Variants in MARCHF10 observed in about 807,000 individuals in gnomAD.
MARCHF10 encodes membrane associated ring-CH-type finger 10.
In MARCHF10, 64 loss-of-function variants were observed where a neutral mutation model predicts 76.2. That is an observed-to-expected ratio of 0.84 (90% CI 0.69 to 1.03). The LOEUF is 1.03. Among genes scored for constraint, MARCHF10 ranks in the 50% least tolerant of loss-of-function variants. MARCHF10 has a pLI of 0.00. For missense variants in MARCHF10, 875 were observed against 958.0 expected (o/e 0.91, Z 1.14); for synonymous variants, 340 against 357.5 (o/e 0.95, Z 0.55).
intron 10 of MARCHF10, chr17:62,703,281 G>A (rs2089358547): frequency 6.6e-6 from 1 of 152,398 alleles, no homozygotes; most frequent in Non-Finnish European, 1.5e-5. Flanking sequence ...CCTCAACCGA[G>A]CTAGGGCAGC....
rs369326655 is a variant in MARCHF10 at position 62,757,954 on chromosome 17, T to C, written c.382+1881A>G. ...GAGTTTGCTCAGTCTGAAGTACATC[T>C]GTATTAATTAGACAAACTAAAGCAT... On this transcript the variant is annotated intron_variant, in intron 4 of 10. Transcript: ENST00000311269. 1.5e-4 allele frequency among the ~76,000 whole-genome samples: 23 copies of C among 152,350 alleles called. No homozygotes were observed. In the South Asian group the frequency reaches 4.3e-3, roughly 29 times the overall value.
At chr17:62,702,737 G>A (rs1327250536) in intron 10 of MARCHF10, among the ~76,000 whole-genome samples, 1 of 152,224 alleles carries the variant, frequency 6.6e-6, no homozygotes. Flanking sequence ...ACTGTTGCAC[G>A]GAGCAGGAGC....
At chr17:62,704,009 C>A (rs1459939856) in intron 10 of MARCHF10, among the ~76,000 whole-genome samples, 3 of 152,044 alleles carry the variant, frequency 2.0e-5, no homozygotes, top group Non-Finnish European at 4.4e-5. Flanking sequence ...TTCCCCGGAC[C>A]GGGAAAAGCG....
chr17:62,779,388 C>T (rs1860336), intron 3 of MARCHF10, among the ~76,000 whole-genome samples: 11,950 of 152,204 alleles, frequency 0.079, 1,575 homozygotes, highest in African/African-American at 0.27. Context: ...GCCGTGGCTG[C>T]TTTCATGACA....
rs557412443 is a variant in MARCHF10, at chr17:62,734,266, G to A, written c.1937+1665C>T. 1.5e-3 allele frequency among the ~76,000 whole-genome samples: 234 copies of A among 152,146 alleles called. 1 individual carries two copies. Among genetic ancestry groups the A allele is most frequent in the South Asian group, 4.6e-3 (22 of 4,818 alleles). Reference sequence around the variant, plus strand: ...AAACACAACACAACGAAATGCAAAAGGATGATAAACGCAATACAGGAATGG... The same window carrying A: ...AAACACAACACAACGAAATGCAAAAAGATGATAAACGCAATACAGGAATGG... On this transcript the variant is annotated intron_variant, in intron 6 of 10. Transcript: ENST00000311269.
intron 2 of MARCHF10, chr17:62,795,063 T>C: frequency 1.0e-6 from 1 of 985,328 alleles, no homozygotes; most frequent in Non-Finnish European, 1.2e-6. Context: ...TCCGTCCCTA[T>C]GGGAAGAAAA....
chr17:62,730,714 T>C (rs1030609742), intron 6 of MARCHF10, among the ~76,000 whole-genome samples: 1 of 152,072 alleles, frequency 6.6e-6, no homozygotes, highest in Admixed American at 6.6e-5. Flanking sequence ...CCCAATGTGG[T>C]GAAACCCTGT....
intron 8 of MARCHF10, among the ~76,000 whole-genome samples, chr17:62,720,447 A>C (rs1349736200): frequency 6.6e-6 from 1 of 152,222 alleles, no homozygotes; most frequent in Non-Finnish European, 1.5e-5. Context: ...AGGTGGGACA[A>C]GATGGCTAGA....
In MARCHF10 at chr17:62,788,489, A is replaced by C; in HGVS notation, c.201T>G (p.Ser67=). ...FERSRFSSRS[S]SKQSSSEEDA... ...CCAGAATTCTTCATACCTGTTTGGAAGATGACCTGCTAGAAAACCGGGATC... is the reference window on the plus strand; with the variant it reads ...CCAGAATTCTTCATACCTGTTTGGACGATGACCTGCTAGAAAACCGGGATC... The change falls in exon 3 of 11, where the codon TCT becomes TCG. Residue 67 remains serine (S), a synonymous_variant. Transcript: ENST00000311269. 1 of 1,614,164 alleles carries C rather than the reference A, an allele frequency of 6.2e-7. No individual in the cohort carries two copies. Among genetic ancestry groups the C allele is most frequent in the Non-Finnish European group, 8.5e-7 (1 of 1,180,018 alleles).
chr17:62,782,997 T>C (rs1328478434), intron 3 of MARCHF10, among the ~76,000 whole-genome samples: 1 of 152,120 alleles, frequency 6.6e-6, no homozygotes. Context: ...AAATTTTGAT[T>C]GTGTCACTTT....
Position 62,725,122 on chromosome 17 carries a change from C to G in MARCHF10, c.1938-18G>C. On this transcript the variant is annotated intron_variant, in intron 6 of 10. Coordinates refer to ENST00000311269, the MANE Select transcript of MARCHF10 (RefSeq NM_152598.4). Reference sequence around the variant, plus strand: ...CCAGGAGACTAAATGTGAAAACAAGCCCTCGTGACCAGGAGGCTACACGTT... The same window carrying G: ...CCAGGAGACTAAATGTGAAAACAAGGCCTCGTGACCAGGAGGCTACACGTT... The G allele has an allele frequency of 6.4e-7, 1 of 1,565,426 alleles. No individual in the cohort carries two copies. Among genetic ancestry groups the G allele is most frequent in the Non-Finnish European group, 8.6e-7 (1 of 1,162,278 alleles).
rs1034209282 is a variant in MARCHF10 at position 62,738,451 on chromosome 17, G to A, written c.536-1119C>T. Among the ~76,000 whole-genome samples, 2 of 152,008 alleles carry A rather than the reference G, an allele frequency of 1.3e-5. No individual in the cohort carries two copies. The highest frequency in any genetic ancestry group is 2.1e-4 in the South Asian group (1 of 4,818). On this transcript the variant is annotated intron_variant, in intron 5 of 10. Transcript: ENST00000311269. The surrounding 1 kb of genome is among the most constrained non-coding windows in gnomAD (Gnocchi z 4.0). ...CTTACCTTTATTCCCTCCTGACATC[G>A]GCCTCCCCCCGCTTTGTTCTCCTCT...
rs116387233 is a variant in MARCHF10 at position 62,738,459 on chromosome 17, C to G, written c.536-1127G>C. ...TATTCCCTCCTGACATCGGCCTCCC[C>G]CCGCTTTGTTCTCCTCTCTGCTATT... On this transcript the variant is annotated intron_variant, in intron 5 of 10. Transcript: ENST00000311269. This position sits in a 1 kb window ranked among gnomAD's most constrained non-coding sequence, Gnocchi z 4.0. Among the ~76,000 whole-genome samples the G allele has an allele frequency of 7.8e-3, 1,188 of 152,236 alleles. 17 individuals are homozygous for G. The highest frequency in any genetic ancestry group is 0.027 in the African/African-American group (1,140 of 41,540).
intron 6 of MARCHF10, among the ~76,000 whole-genome samples, chr17:62,730,055 G>T (rs367759851): frequency 1.2e-4 from 18 of 152,330 alleles, no homozygotes; most frequent in African/African-American, 4.3e-4. Context: ...GGTGGCGCCT[G>T]CCTGTAATCC....
At chr17:62,727,967 G>GT (rs961786343) in intron 6 of MARCHF10, among the ~76,000 whole-genome samples, 28 of 152,346 alleles carry the variant, frequency 1.8e-4, no homozygotes, top group African/African-American at 6.5e-4. Flanking sequence ...CAGGCAGCAG[G>GT]TGGCATAGTG....
chr17:62,722,711 C>A, intron 7 of MARCHF10, 114 bp from the exon 8 acceptor site: 3 of 766,868 alleles, frequency 3.9e-6, no homozygotes, highest in Non-Finnish European at 6.0e-6. Flanking sequence ...TTCTGAGCTT[C>A]AGTGACCTTC....
chr17:62,749,793 G>A (rs571258610), intron 4 of MARCHF10, among the ~76,000 whole-genome samples: 1 of 152,218 alleles, frequency 6.6e-6, no homozygotes, highest in African/African-American at 2.4e-5. Flanking sequence ...TTCTGAATGG[G>A]TTTTGGTTCC....
intron 4 of MARCHF10, among the ~76,000 whole-genome samples, chr17:62,749,793 G>T (rs571258610): frequency 6.6e-6 from 1 of 152,218 alleles, no homozygotes; most frequent in South Asian, 2.1e-4. Context: ...TTCTGAATGG[G>T]TTTTGGTTCC....
intron 2 of MARCHF10, chr17:62,794,937 G>C: frequency 1.3e-6 from 1 of 788,236 alleles, no homozygotes; most frequent in South Asian, 5.8e-5. Context: ...AGAAATCAAA[G>C]GCATAAAAAC....
Sources: allele counts gnomAD v4.1 joint callset (sites outside exome capture counted in the v4.1 genomes callset), GRCh38; gene constraint gnomAD v4.1.1; non-coding constraint Gnocchi (gnomAD v3.1); transcripts MANE v1.5; gene names NCBI Gene and HGNC (gene_info 2026-07-23, HGNC 2026-07-21).